HMCN1: variants seen among roughly 807,000 people sequenced by gnomAD.
HMCN1 encodes hemicentin 1.
Under a neutral mutation model 625.9 loss-of-function variants are expected in HMCN1, and 321 were observed. The observed-to-expected ratio is 0.51, with a 90% CI of 0.47 to 0.56. The LOEUF is 0.56. Among genes scored for constraint, HMCN1 ranks in the 20% least tolerant of loss-of-function variants. The pLI is 0.00. For synonymous variants in HMCN1, 2,425 were observed against 2,417.6 expected (o/e 1.00, Z -0.09); for missense variants, 6,588 against 6,887.3 (o/e 0.96, Z 1.54).
chr1:186,012,566 C>A (rs1654074000), intron 30 of HMCN1, among the ~76,000 whole-genome samples: 1 of 152,072 alleles, frequency 6.6e-6, no homozygotes, highest in Non-Finnish European at 1.5e-5. Flanking sequence ...ACTCTTCAAG[C>A]AATTATTCTC....
chr1:186,055,537 C>A lies in HMCN1; in HGVS notation c.7007C>A (p.Ala2336Glu), dbSNP rs760896207. 1 of 1,612,814 alleles carries A rather than the reference C, an allele frequency of 6.2e-7. No individual in the cohort carries two copies. Among genetic ancestry groups the A allele is most frequent in the African/African-American group, 1.3e-5 (1 of 74,900 alleles). Residue 2336 changes from alanine (A) to glutamate (E), a missense_variant, in exon 45 of 107, where the codon GCA becomes GAA. Around this residue, in one of 3 missense-constraint regions of HMCN1, gnomAD observed 4,628 missense variants for 4,853.1 expected, o/e 0.95. Transcript: ENST00000271588. ...WMKDGHPLIK[A>E]KGVEILDEGH... ...AAAGATGGCCACCCCTTGATCAAGG[C>A]AAAGGGAGTAGAAATACTGGATGAA...
At chr1:185,890,466 C>T (rs1336841935) in intron 4 of HMCN1, among the ~76,000 whole-genome samples, 1 of 145,602 alleles carries the variant, frequency 6.9e-6, no homozygotes, top group Non-Finnish European at 1.5e-5. Context: ...AAATTTCCCT[C>T]TACACACTGC....
chr1:186,003,783 G>C lies in HMCN1; in HGVS notation c.4414G>C (p.Ala1472Pro). The change falls in exon 29 of 107, where the codon GCC becomes CCC. Residue 1472 changes from alanine to proline, a missense_variant. Around this residue, in one of 3 missense-constraint regions of HMCN1, gnomAD observed 4,628 missense variants for 4,853.1 expected, o/e 0.95. Transcript: ENST00000271588. Reference sequence around the variant, plus strand: ...CTCAGTTGTCCTCAACCGTGACGTCGCCCTTGAATGCCAGGTCAAAGGCAC... The same window carrying C: ...CTCAGTTGTCCTCAACCGTGACGTCCCCCTTGAATGCCAGGTCAAAGGCAC... ...EVSVVLNRDVALECQVKGTPF... is the reference protein window; with the variant it reads ...EVSVVLNRDVPLECQVKGTPF... 1.2e-6 allele frequency: 2 copies of C among 1,612,744 alleles called. No individual in the cohort carries two copies. The highest frequency in any genetic ancestry group is 1.7e-6 in the Non-Finnish European group (2 of 1,178,994).
chr1:186,110,810 C>G, intron 71 of HMCN1, among the ~76,000 whole-genome samples: 1 of 151,326 alleles, frequency 6.6e-6, no homozygotes, highest in South Asian at 2.1e-4. Flanking sequence ...AAAAGAAGGT[C>G]GTATTCATAC....
In HMCN1 at chr1:186,070,718, AATTCCTTCTGCCTC is replaced by A; in HGVS notation, c.8101_8114del (p.Ile2701ProfsTer11). Reference sequence around the variant, plus strand: ...TGACCTTGGAATGTGAAGCGTATGCAATTCCTTCTGCCTCCCTCAGCTGGTACAAGGATGGACAG... The same window carrying A: ...TGACCTTGGAATGTGAAGCGTATGCACCTCAGCTGGTACAAGGATGGACAG... On this transcript the variant is annotated frameshift_variant, in exon 52 of 107. Coordinates refer to ENST00000271588, the MANE Select transcript of HMCN1 (RefSeq NM_031935.3). LOFTEE classifies it high-confidence loss of function. 2 of 1,613,948 alleles carry A rather than the reference AATTCCTTCTGCCTC, an allele frequency of 1.2e-6. No individual in the cohort carries two copies. The highest frequency in any genetic ancestry group is 1.7e-6 in the Non-Finnish European group (2 of 1,179,864).
At chr1:185,741,991 A>G (rs972599312) in intron 1 of HMCN1, among the ~76,000 whole-genome samples, 11 of 152,218 alleles carry the variant, frequency 7.2e-5, no homozygotes, top group South Asian at 2.1e-4. Flanking sequence ...GCTGTGTCCA[A>G]CTACCGGAAT....
intron 4 of HMCN1, among the ~76,000 whole-genome samples, chr1:185,884,766 G>T (rs1212068157): frequency 6.6e-6 from 1 of 151,988 alleles, no homozygotes; most frequent in Non-Finnish European, 1.5e-5. Context: ...ACCCATGGGG[G>T]ACTGAAGGCG....
intron 102 of HMCN1, among the ~76,000 whole-genome samples, chr1:186,172,457 C>A (rs1296833326): frequency 2.6e-5 from 4 of 151,974 alleles, no homozygotes; most frequent in Non-Finnish European, 5.9e-5. Flanking sequence ...TTAAGAATTT[C>A]TTGGGGGAAA....
At chr1:185,811,776 T>A (rs1659536214) in intron 1 of HMCN1, among the ~76,000 whole-genome samples, 1 of 152,148 alleles carries the variant, frequency 6.6e-6, no homozygotes, top group African/African-American at 2.4e-5. Flanking sequence ...GTGCCTTCAT[T>A]GGATTGTTTT....
intron 41 of HMCN1, among the ~76,000 whole-genome samples, chr1:186,048,469 G>T (rs749751040): frequency 1.3e-5 from 2 of 151,896 alleles, no homozygotes; most frequent in African/African-American, 2.4e-5. Flanking sequence ...GTACCTTTTC[G>T]TTTTTTCTGA....
chr1:186,081,167 T>G, intron 55 of HMCN1, 40 bp from the exon 56 acceptor site: 1 of 1,513,540 alleles, frequency 6.6e-7, no homozygotes, highest in Non-Finnish European at 9.2e-7. Flanking sequence ...TAGAAAAGAC[T>G]GTTGCCCATT....
intron 1 of HMCN1, among the ~76,000 whole-genome samples, chr1:185,840,619 G>A (rs985514134): frequency 1.3e-5 from 2 of 152,086 alleles, no homozygotes; most frequent in Non-Finnish European, 2.9e-5. Flanking sequence ...CTGTCTTCAT[G>A]TATCTGTACT....
chr1:185,881,837 A>G (rs914773433), intron 4 of HMCN1, among the ~76,000 whole-genome samples: 3 of 152,228 alleles, frequency 2.0e-5, no homozygotes, highest in Non-Finnish European at 2.9e-5. Context: ...GCCAGTTTTT[A>G]TAAAATAAAA....
At chr1:185,743,543 T>C (rs780007106) in intron 1 of HMCN1, among the ~76,000 whole-genome samples, 1 of 152,220 alleles carries the variant, frequency 6.6e-6, no homozygotes, top group Non-Finnish European at 1.5e-5. Context: ...TTTAACTGGA[T>C]TGGCTGAAGG....
intron 36 of HMCN1, among the ~76,000 whole-genome samples, chr1:186,035,842 C>T (rs1385613702): frequency 6.6e-6 from 1 of 151,954 alleles, no homozygotes; most frequent in Non-Finnish European, 1.5e-5. Context: ...ATTACAAATC[C>T]CCAAACACAC....
chr1:185,930,985 G>A (rs966644029), intron 10 of HMCN1, among the ~76,000 whole-genome samples: 4 of 151,322 alleles, frequency 2.6e-5, no homozygotes, highest in Admixed American at 1.3e-4. Context: ...TCTGAAGAGC[G>A]AAAACTTGTC....
intron 36 of HMCN1, among the ~76,000 whole-genome samples, chr1:186,033,171 T>TAAG (rs1655587262): frequency 6.6e-6 from 1 of 152,100 alleles, no homozygotes; most frequent in Non-Finnish European, 1.5e-5. Context: ...TGGAGGCCAG[T>TAAG]ATTCTAAGTG....
At chr1:186,156,136 A>G (rs1336245879) in intron 97 of HMCN1, among the ~76,000 whole-genome samples, 2 of 152,136 alleles carry the variant, frequency 1.3e-5, no homozygotes, top group South Asian at 4.1e-4. Context: ...AAAATTAATT[A>G]TAAAGTATAT....
rs76183014 is a variant in HMCN1 at position 185,926,834 on chromosome 1, A to G, written c.1430+1643A>G. ...GGGATGTAAGAGAGAATCCGTTTGC[A>G]TTAGCAGCAGGGTGCATTTTTATTT... is the stretch of plus-strand genomic sequence containing the variant. On this transcript the variant is annotated intron_variant, in intron 9 of 106. Transcript: ENST00000271588. Among the ~76,000 whole-genome samples, 46 of 152,322 alleles carry G rather than the reference A, an allele frequency of 3.0e-4. 2 individuals are homozygous for G. In the East Asian group the frequency reaches 8.9e-3, roughly 29 times the overall value.
Sources: gnomAD v4.1 joint callset for allele counts (sites outside exome capture counted in the v4.1 genomes callset) on GRCh38, gnomAD v4.1.1 for gene constraint, gnomAD v4.1.1 regional missense constraint, MANE v1.5 for transcripts, NCBI Gene and HGNC (gene_info 2026-07-23, HGNC 2026-07-21) for gene names.